Variants in RNMT observed in about 807,000 individuals in gnomAD.
RNMT encodes the protein RNA guanine-7 methyltransferase.
In RNMT, 27 loss-of-function variants were observed where a neutral mutation model predicts 56.0. That is an observed-to-expected ratio of 0.48 (90% CI 0.36 to 0.67). The LOEUF is 0.67. Among genes scored for constraint, RNMT ranks in the 30% least tolerant of loss-of-function variants. RNMT has a pLI of 0.00. For synonymous variants in RNMT, 184 were observed against 176.2 expected, an observed-to-expected ratio of 1.04 and a Z score of -0.35; for missense variants, 519 against 552.1, an observed-to-expected ratio of 0.94 and a Z score of 0.60.
chr18:13,730,267 A>G (rs1056212898), intron 1 of RNMT, among the ~76,000 whole-genome samples: 1 of 152,226 alleles, frequency 6.6e-6, no homozygotes, highest in Non-Finnish European at 1.5e-5. Context: ...ATCTTAATGT[A>G]GGTCTAAAAA....
intron 9 of RNMT, among the ~76,000 whole-genome samples, chr18:13,750,882 T>TA (rs1275383849): frequency 6.6e-6 from 1 of 152,078 alleles, no homozygotes; most frequent in Non-Finnish European, 1.5e-5. Context: ...CCCTATTTAA[T>TA]AAATGGTGCT....
At chr18:13,742,734 C>T in intron 8 of RNMT, 82 bp downstream of exon 8, 10 of 1,038,382 alleles carry the variant, frequency 9.6e-6, no homozygotes, top group South Asian at 5.3e-5. Context: ...TTATTTTACT[C>T]TTTATTTTAA....
chr18:13,756,073 C>T (rs976708796), intron 11 of RNMT, among the ~76,000 whole-genome samples: 4 of 152,162 alleles, frequency 2.6e-5, no homozygotes, highest in Admixed American at 1.3e-4. Flanking sequence ...CATGCCATCA[C>T]GAGTCTAAAA....
rs1241881495 is a variant in RNMT, at chr18:13,763,421, G to A, written c.*3442G>A. ...AGTGCCTGCACCTCACCACGATATT[G>A]AGGAAGCACAGGACATCCAAGGGTA... On this transcript the variant is annotated 3_prime_UTR_variant, in exon 12 of 12. Transcript: ENST00000383314. The A allele has an allele frequency of 4.2e-6, 1 of 237,910 alleles. No individual in the cohort carries two copies. The highest frequency in any genetic ancestry group is 8.7e-6 in the Non-Finnish European group (1 of 115,384). 14.7% of individuals were successfully genotyped at this position (237,910 alleles called of 1,614,324 possible).
At chr18:13,729,398 A>G (rs780986511) in intron 1 of RNMT, among the ~76,000 whole-genome samples, 1 of 152,244 alleles carries the variant, frequency 6.6e-6, no homozygotes, top group Admixed American at 6.5e-5. Context: ...TTAAATCTCA[A>G]TATTAATTTT....
At position 13,746,399 on chromosome 18, in the gene RNMT, G is replaced by A. The variant is rs141452435; in HGVS notation, c.1257+62G>A. The stretch of plus-strand genomic sequence containing the variant: ...GGTGAACTTGTTTGGCTGTTCTTGA[G>A]ATCCTTGCAAGGCCATCTGAACATG... On this transcript the variant is annotated intron_variant, in intron 9 of 11. Transcript: ENST00000383314. 1.2e-5 allele frequency: 11 copies of A among 951,530 alleles called. No individual in the cohort carries two copies. In the African/African-American group the frequency reaches 1.6e-4, roughly 14 times the overall value. The allele number at this position is 951,530 out of a possible 1,614,324, so 58.9% of individuals were successfully genotyped here. A position where few individuals can be genotyped will look rare whatever the true frequency, so the allele number is the denominator to read the frequency against.
intron 9 of RNMT, among the ~76,000 whole-genome samples, chr18:13,748,213 T>C (rs1048779197): frequency 7.0e-4 from 107 of 152,350 alleles, no homozygotes; most frequent in African/African-American, 2.3e-3. Flanking sequence ...GTAGTGCTAA[T>C]GGCCTTCACA....
At chr18:13,742,388 G>T in intron 7 of RNMT, 100 bp from the exon 8 acceptor site, 7 of 985,674 alleles carry the variant, frequency 7.1e-6, no homozygotes, top group Non-Finnish European at 1.1e-5. Context: ...CTAATCAAGT[G>T]TGCATCATGT....
In RNMT at chr18:13,738,307, CT is replaced by C. The variant is rs139415344; in HGVS notation, c.679+1173del. Among the ~76,000 whole-genome samples the C allele has an allele frequency of 5.5e-3, 838 of 152,260 alleles. 10 individuals carry two copies. The highest frequency in any genetic ancestry group is 0.019 in the African/African-American group (778 of 41,540). ...TTTTAGTTCATTAAAAGTAACAAGG[CT>C]GGCTTTTACATTTTTGTAAATCCCT... On this transcript the variant is annotated intron_variant, in intron 5 of 11. Coordinates refer to ENST00000383314, the MANE Select transcript of RNMT (RefSeq NM_003799.3).
At position 13,741,798 on chromosome 18, in the gene RNMT, G is replaced by A. The variant is rs181233247; in HGVS notation, c.974+107G>A. 2,084 of 659,764 alleles carry A rather than the reference G, an allele frequency of 3.2e-3. 76 individuals are homozygous for A. The Admixed American group carries it at 0.06, about 19-fold the overall frequency. The allele number at this position is 659,764 out of a possible 1,614,324, so 40.9% of individuals were successfully genotyped here. A position where few individuals can be genotyped will look rare whatever the true frequency, so the allele number is the denominator to read the frequency against. On this transcript the variant is annotated intron_variant, in intron 7 of 11. Transcript: ENST00000383314. ...AATACGCTATTTTAATCTTATAAGT[G>A]TTGAACACTTTCATAAGATATTTGA...
At chr18:13,748,893 A>G (rs950411202) in intron 9 of RNMT, among the ~76,000 whole-genome samples, 1 of 152,156 alleles carries the variant, frequency 6.6e-6, no homozygotes, top group African/African-American at 2.4e-5. Flanking sequence ...CAGCCTGGCC[A>G]ACATGGTAAA....
rs961368207 is a variant in RNMT, at chr18:13,763,263, A to G, written c.*3284A>G. On this transcript the variant is annotated 3_prime_UTR_variant, in exon 12 of 12. Transcript: ENST00000383314. ...TTTGAAGGCAACCAGTGCAAAGGCT[A>G]CTACACTTGTGTAATGATATTTAGC... is the stretch of plus-strand genomic sequence containing the variant. 3 of 408,168 alleles carry G rather than the reference A, an allele frequency of 7.3e-6. No homozygotes were observed. The highest frequency in any genetic ancestry group is 2.0e-5 in the African/African-American group (1 of 48,938). The allele number at this position is 408,168 out of a possible 1,614,324, so 25.3% of individuals were successfully genotyped here. A position where few individuals can be genotyped will look rare whatever the true frequency, so the allele number is the denominator to read the frequency against.
chr18:13,740,886 A>G (rs2044241074), intron 6 of RNMT, among the ~76,000 whole-genome samples: 3 of 152,164 alleles, frequency 2.0e-5, no homozygotes, highest in Admixed American at 2.0e-4. Flanking sequence ...AACTTATACT[A>G]TGTTTTGTTC....
In RNMT at chr18:13,731,511, A is replaced by C. The variant is rs1187058565; in HGVS notation, c.-7A>C. ...TGAAGTTTTACCATCAATTCAAGTA[A>C]TCATAAATGGCAAATTCTGCAAAAG... On this transcript the variant is annotated 5_prime_UTR_variant, in exon 3 of 12. It removes the in-frame stop codon of an upstream open reading frame in the 5' UTR. Transcript: ENST00000383314. 6.3e-7 allele frequency: 1 copy of C among 1,579,214 alleles called. No homozygotes were observed. Among genetic ancestry groups the C allele is most frequent in the Admixed American group, 1.9e-5 (1 of 52,850 alleles).
Position 13,741,621 on chromosome 18 carries a change from A to G in RNMT, c.904A>G (p.Arg302Gly), listed in dbSNP as rs767030559. 6.2e-7 allele frequency: 1 copy of G among 1,613,958 alleles called. No homozygotes were observed. Among genetic ancestry groups the G allele is most frequent in the Admixed American group, 1.7e-5 (1 of 59,990 alleles). ...TTATGAGCAGGCTGACATGATGCTG[A>G]GAAATGCGTGTGAGAGACTTAGCCC... Reference protein sequence around the residue: ...ESYEQADMMLRNACERLSPGG... With the variant: ...ESYEQADMMLGNACERLSPGG... Residue 302 changes from arginine (R) to glycine (G), a missense_variant, in exon 7 of 12, where the codon AGA (arginine) becomes GGA (glycine). Arg to Gly is a moderately radical substitution (Grantham distance 125, BLOSUM62 -2). Coordinates refer to ENST00000383314, the MANE Select transcript of RNMT (RefSeq NM_003799.3).
In RNMT at chr18:13,746,342, G is replaced by C; in HGVS notation, c.1257+5G>C. Reference sequence around the variant, plus strand: ...AAACGAATGCAGGCCTTGGAGGTGAGTATTTAGAAAAGATGTACAAATTTC... The same window carrying C: ...AAACGAATGCAGGCCTTGGAGGTGACTATTTAGAAAAGATGTACAAATTTC... On this transcript the variant is annotated splice_donor_5th_base_variant and intron_variant, in intron 9 of 11. Coordinates refer to ENST00000383314, the MANE Select transcript of RNMT (RefSeq NM_003799.3). 9.7e-6 allele frequency: 14 copies of C among 1,442,490 alleles called. No homozygotes were observed. Among genetic ancestry groups the C allele is most frequent in the African/African-American group, 1.4e-5 (1 of 70,316 alleles). The allele number at this position is 1,442,490 out of a possible 1,614,324, so 89.4% of individuals were successfully genotyped here.
chr18:13,745,691 G>T (rs1224512020), intron 8 of RNMT, among the ~76,000 whole-genome samples: 2 of 141,284 alleles, frequency 1.4e-5, no homozygotes, highest in Admixed American at 1.4e-4. Flanking sequence ...GTGGAAGTGA[G>T]TAGGGCTCTG....
chr18:13,760,030 G>A lies in RNMT; in HGVS notation c.*51G>A, dbSNP rs776058939. 6.3e-7 allele frequency: 1 copy of A among 1,599,066 alleles called. No individual in the cohort carries two copies. Among genetic ancestry groups the A allele is most frequent in the East Asian group, 2.2e-5 (1 of 44,630 alleles). On this transcript the variant is annotated 3_prime_UTR_variant, in exon 12 of 12. Coordinates refer to ENST00000383314, the MANE Select transcript of RNMT (RefSeq NM_003799.3). ...GCCGTGTTCTGTCCTGCACAAATTT[G>A]AACAACTCATCTCGATATATTTGAT...
intron 1 of RNMT, chr18:13,726,933 TTCC>T (rs987014632): frequency 2.0e-5 from 3 of 152,346 alleles, no homozygotes; most frequent in Admixed American, 1.3e-4. Flanking sequence ...GCGGGCGCTG[TTCC>T]TCCTCCAGAC....
Sources: gnomAD v4.1 joint callset for allele counts (sites outside exome capture counted in the v4.1 genomes callset) on GRCh38, gnomAD v4.1.1 for gene constraint, MANE v1.5 for transcripts, NCBI Gene and HGNC (gene_info 2026-07-23, HGNC 2026-07-21) for gene names.